Variants in SUSD4 observed in about 807,000 individuals in gnomAD.
The protein encoded by SUSD4 is sushi domain-containing protein 4.
Under a neutral mutation model 50.5 loss-of-function variants are expected in SUSD4, and 41 were observed. The observed-to-expected ratio is 0.81, with a 90% confidence interval of 0.63 to 1.05. SUSD4 has a LOEUF of 1.05. SUSD4 is among the 50% of genes least tolerant of loss of function. The pLI is 0.00. For missense variants in SUSD4, 580 were observed against 634.7 expected (o/e 0.91, Z 0.93); for synonymous variants, 257 against 257.3 (o/e 1.00, Z 0.01).
chr1:223,236,190 C>T (rs1660207309), intron 5 of SUSD4, among the ~76,000 whole-genome samples: 1 of 152,146 alleles, frequency 6.6e-6, no homozygotes, highest in East Asian at 1.9e-4. Flanking sequence ...ATTTTAAAAT[C>T]AGGTTGTTTG....
chr1:223,247,660 G>A (rs1373213674), intron 5 of SUSD4, among the ~76,000 whole-genome samples: 1 of 152,186 alleles, frequency 6.6e-6, no homozygotes, highest in African/African-American at 2.4e-5. Flanking sequence ...TGCCATGTTA[G>A]TGCTGCATTT....
intron 2 of SUSD4, among the ~76,000 whole-genome samples, chr1:223,319,781 C>A (rs146641034): frequency 6.6e-6 from 1 of 152,346 alleles, no homozygotes; most frequent in East Asian, 1.9e-4. Flanking sequence ...AAGTTTCACA[C>A]TGACACTTCC....
chr1:223,222,124 G>A lies in SUSD4; in HGVS notation c.*68C>T. 1 of 1,553,298 alleles carries A rather than the reference G, an allele frequency of 6.4e-7. No individual in the cohort carries two copies. Among genetic ancestry groups the A allele is most frequent in the African/African-American group, 1.4e-5 (1 of 72,988 alleles). On this transcript the variant is annotated 3_prime_UTR_variant, in exon 9 of 9. Coordinates refer to ENST00000366878, the MANE Select transcript of SUSD4 (RefSeq NM_017982.4). The stretch of plus-strand genomic sequence containing the variant: ...TTGCCCCCAGGCTCTATCCTTCTGT[G>A]ACCTCACTCCAAGATACAAGGTCCT...
chr1:223,242,731 G>A lies in SUSD4; in HGVS notation c.725-13343C>T, dbSNP rs928073522. 4.6e-5 allele frequency among the ~76,000 whole-genome samples: 7 copies of A among 152,206 alleles called. No individual in the cohort carries two copies. In the East Asian group the frequency reaches 1.3e-3, roughly 29 times the overall value. On this transcript the variant is annotated intron_variant, in intron 5 of 8. Coordinates refer to ENST00000366878, the MANE Select transcript of SUSD4 (RefSeq NM_017982.4). ...TGAAGAAAATAATACCCGCTCACTA[G>A]AGCTGTTGTGAGGGCTGTATGAGCT... is the stretch of plus-strand genomic sequence containing the variant.
chr1:223,292,322 G>C (rs1664542731), intron 3 of SUSD4, 117 bp downstream of exon 3: 1 of 1,085,212 alleles, frequency 9.2e-7, no homozygotes. Flanking sequence ...GCATGCAGGT[G>C]CAGCCCTGCA....
chr1:223,336,074 A>G (rs145714156), intron 2 of SUSD4, among the ~76,000 whole-genome samples: 10 of 152,178 alleles, frequency 6.6e-5, no homozygotes, highest in African/African-American at 2.4e-4. Flanking sequence ...GTATGTACAA[A>G]GCCAAGATGT....
chr1:223,263,713 T>A (rs1571916083), intron 5 of SUSD4: 1 of 985,296 alleles, frequency 1.0e-6, no homozygotes, highest in Non-Finnish European at 1.2e-6. Context: ...ATAGTCACCC[T>A]CCATGACACA....
chr1:223,295,670 G>C (rs1664773436), intron 2 of SUSD4, among the ~76,000 whole-genome samples: 1 of 152,066 alleles, frequency 6.6e-6, no homozygotes, highest in Admixed American at 6.6e-5. Context: ...GCTAGGGGTG[G>C]GGCTGTGGGG....
At chr1:223,340,955 A>C (rs944178943) in intron 2 of SUSD4, among the ~76,000 whole-genome samples, 2 of 152,214 alleles carry the variant, frequency 1.3e-5, no homozygotes, top group Non-Finnish European at 2.9e-5. Flanking sequence ...TGTGGTTTGC[A>C]TGTTAGGTGC....
At chr1:223,305,127 G>C (rs577200712) in intron 2 of SUSD4, among the ~76,000 whole-genome samples, 1 of 152,106 alleles carries the variant, frequency 6.6e-6, no homozygotes, top group South Asian at 2.1e-4. Flanking sequence ...CAAACCTCTA[G>C]AGAATTAAAG....
rs1315350384 is a variant in SUSD4 at position 223,359,322 on chromosome 1, C to T, written c.148+3956G>A. Among the ~76,000 whole-genome samples the T allele has an allele frequency of 4.6e-5, 7 of 152,250 alleles. No homozygotes were observed. In the South Asian group the frequency reaches 1.0e-3, roughly 23 times the overall value. ...CAGGTATACTATATTCCAGATTAAACGGACTATTTTCTGCTCCCTGAAGGG... is the reference window on the plus strand; with the variant it reads ...CAGGTATACTATATTCCAGATTAAATGGACTATTTTCTGCTCCCTGAAGGG... On this transcript the variant is annotated intron_variant, in intron 2 of 8. Transcript: ENST00000366878.
chr1:223,229,234 C>T lies in SUSD4; in HGVS notation c.879G>A (p.Glu293=). 6.2e-7 allele frequency: 1 copy of T among 1,611,186 alleles called. No homozygotes were observed. The highest frequency in any genetic ancestry group is 8.5e-7 in the Non-Finnish European group (1 of 1,177,514). The part of the protein sequence containing the change: ...DYKYITCQYG[E]WFPSYQVYCI... ...AGTAGACTTGATAAGAAGGAAACCA[C>T]TCTCCATACTGGCAGGTGATGTACT... The change falls in exon 6 of 9, where the codon GAG becomes GAA. Residue 293 remains glutamate (E), a synonymous_variant. Transcript: ENST00000366878. The surrounding 1 kb of genome is among the most constrained non-coding windows in gnomAD (Gnocchi z 4.7).
intron 3 of SUSD4, among the ~76,000 whole-genome samples, chr1:223,275,393 C>A (rs182027982): frequency 6.6e-6 from 1 of 152,130 alleles, no homozygotes; most frequent in African/African-American, 2.4e-5. Context: ...TTTAAAGAAA[C>A]TTTAAGGTCA....
At chr1:223,290,800 G>A (rs920530195) in intron 3 of SUSD4, among the ~76,000 whole-genome samples, 3 of 152,192 alleles carry the variant, frequency 2.0e-5, no homozygotes, top group African/African-American at 7.2e-5. Flanking sequence ...TATGTATAGG[G>A]TTGGAAAGAA....
intron 5 of SUSD4, among the ~76,000 whole-genome samples, chr1:223,248,886 G>A (rs1258511954): frequency 6.6e-6 from 1 of 152,170 alleles, no homozygotes; most frequent in African/African-American, 2.4e-5. Context: ...AATCTGAAGT[G>A]TGCCTAGTTT....
chr1:223,261,984 G>A (rs1662155182), intron 5 of SUSD4, among the ~76,000 whole-genome samples: 2 of 152,218 alleles, frequency 1.3e-5, no homozygotes, highest in Non-Finnish European at 2.9e-5. Context: ...CCCAGGTGAA[G>A]TGATTGAGTA....
intron 2 of SUSD4, among the ~76,000 whole-genome samples, chr1:223,333,510 T>C (rs1271341162): frequency 6.6e-6 from 1 of 152,114 alleles, no homozygotes; most frequent in Non-Finnish European, 1.5e-5. Context: ...TCCACTGATA[T>C]AAGAAGAAAT....
chr1:223,226,419 A>G (rs183081284), intron 7 of SUSD4, among the ~76,000 whole-genome samples: 90 of 152,330 alleles, frequency 5.9e-4, no homozygotes, highest in African/African-American at 2.1e-3. Flanking sequence ...GGATGCACCT[A>G]TCAGGTTGTG....
chr1:223,281,921 A>G (rs1279209633), intron 3 of SUSD4, among the ~76,000 whole-genome samples: 2 of 152,230 alleles, frequency 1.3e-5, no homozygotes, highest in Non-Finnish European at 2.9e-5. Context: ...CTAGGATGCA[A>G]GGCTGGTTCA....
Sources: allele counts gnomAD v4.1 joint callset (sites outside exome capture counted in the v4.1 genomes callset), GRCh38; gene constraint gnomAD v4.1.1; non-coding constraint Gnocchi (gnomAD v3.1); transcripts MANE v1.5; gene names NCBI Gene and HGNC (gene_info 2026-07-23, HGNC 2026-07-21).